The following NEDD9 variants were observed in gnomAD, a reference collection of about 807,000 sequenced individuals.
The protein encoded by NEDD9 is enhancer of filamentation 1.
A neutral mutation model predicts 76.6 loss-of-function variants in NEDD9; 26 were observed. That is an observed-to-expected ratio of 0.34 (90% CI 0.25 to 0.47). The LOEUF (loss-of-function observed/expected upper bound fraction) is 0.47. Ranked by LOEUF, NEDD9 falls within the 20% of genes least tolerant of loss-of-function variation. The pLI is 1.00. For synonymous variants in NEDD9, 392 were observed against 414.2 expected (o/e 0.95, Z 0.65); for missense variants, 937 against 1,058.5 (o/e 0.89, Z 1.59).
chr6:11,346,820 A>G (rs189577058), intron 1 of NEDD9, among the ~76,000 whole-genome samples: 26 of 152,036 alleles, frequency 1.7e-4, no homozygotes, highest in Admixed American at 4.6e-4. Context: ...TGTGGAGAGG[A>G]TGTGCAAACC....
At chr6:11,366,423 A>AAAG (rs1762771604) in intron 1 of NEDD9, among the ~76,000 whole-genome samples, 1 of 152,026 alleles carries the variant, frequency 6.6e-6, no homozygotes. Context: ...AAAAAAGAAA[A>AAAG]AGAAAGGAAG....
chr6:11,311,421 G>T (rs1196219821), intron 2 of NEDD9, among the ~76,000 whole-genome samples: 1 of 152,110 alleles, frequency 6.6e-6, no homozygotes, highest in African/African-American at 2.4e-5. Context: ...CGACCCGTTG[G>T]TCTCTCCCAG....
intron 3 of NEDD9, among the ~76,000 whole-genome samples, chr6:11,295,735 C>G (rs1760873939): frequency 6.6e-6 from 1 of 152,210 alleles, no homozygotes; most frequent in Admixed American, 6.5e-5. Flanking sequence ...GCTTCCTCCT[C>G]TGCCTAATCC....
chr6:11,359,406 A>G (rs1049485643), intron 1 of NEDD9, among the ~76,000 whole-genome samples: 3 of 152,344 alleles, frequency 2.0e-5, no homozygotes, highest in East Asian at 1.9e-4. Flanking sequence ...CCTCTGCCCA[A>G]TGTCCTGGGA....
At chr6:11,248,923 A>G in intron 3 of NEDD9, 1 of 352,358 alleles carries the variant, frequency 2.8e-6, no homozygotes, top group South Asian at 2.2e-5. Context: ...CCATCTGATC[A>G]TTGAATAGTG....
intron 3 of NEDD9, among the ~76,000 whole-genome samples, chr6:11,291,271 T>C (rs1303228208): frequency 2.9e-5 from 4 of 137,560 alleles, no homozygotes. Flanking sequence ...AATGAGGTTT[T>C]TTTTTTTTTT....
At chr6:11,314,760 G>T (rs1761495295) in intron 2 of NEDD9, among the ~76,000 whole-genome samples, 1 of 152,148 alleles carries the variant, frequency 6.6e-6, no homozygotes, top group Non-Finnish European at 1.5e-5. Context: ...GAAGAACTGT[G>T]GCCTGCAAGT....
At chr6:11,276,288 T>C (rs1027752654) in intron 3 of NEDD9, among the ~76,000 whole-genome samples, 1 of 152,252 alleles carries the variant, frequency 6.6e-6, no homozygotes, top group Non-Finnish European at 1.5e-5. Context: ...ATTTAGCTAC[T>C]ACTTAATTGG....
At chr6:11,380,249 G>C (rs1202772724) in intron 1 of NEDD9, among the ~76,000 whole-genome samples, 1 of 152,170 alleles carries the variant, frequency 6.6e-6, no homozygotes, top group Non-Finnish European at 1.5e-5. Context: ...GTCTTAGCTT[G>C]GGTTCCCCCA....
chr6:11,225,786 C>T (rs1759291222), intron 1 of NEDD9, among the ~76,000 whole-genome samples: 1 of 149,078 alleles, frequency 6.7e-6, no homozygotes, highest in South Asian at 2.2e-4. Flanking sequence ...CAGGTGTGAG[C>T]CACCGCGCCC....
At chr6:11,367,151 C>A (rs1439547479) in intron 1 of NEDD9, among the ~76,000 whole-genome samples, 1 of 152,180 alleles carries the variant, frequency 6.6e-6, no homozygotes, top group African/African-American at 2.4e-5. Flanking sequence ...ATTAGGCTTT[C>A]TTCATTAATC....
chr6:11,330,141 G>A (rs1055835566), intron 2 of NEDD9, among the ~76,000 whole-genome samples: 3 of 152,102 alleles, frequency 2.0e-5, no homozygotes, highest in African/African-American at 7.2e-5. Flanking sequence ...CATGCAACTG[G>A]TAGCTACTCT....
chr6:11,274,116 G>A (rs1046878334), intron 3 of NEDD9, among the ~76,000 whole-genome samples: 4 of 152,156 alleles, frequency 2.6e-5, no homozygotes, highest in South Asian at 2.1e-4. Context: ...AGAACCAGAT[G>A]AGAATTGGAG....
At chr6:11,273,199 T>A (rs1302585122) in intron 3 of NEDD9, among the ~76,000 whole-genome samples, 1 of 152,122 alleles carries the variant, frequency 6.6e-6, no homozygotes, top group Non-Finnish European at 1.5e-5. Context: ...TTGAAAGGAG[T>A]GTCCAAGATT....
chr6:11,188,253 T>C lies in NEDD9; in HGVS notation c.1960A>G (p.Met654Val), dbSNP rs1758026841. 1.9e-6 allele frequency: 3 copies of C among 1,614,210 alleles called. No homozygotes were observed. The highest frequency in any genetic ancestry group is 2.5e-6 in the Non-Finnish European group (3 of 1,180,014). ...TCCAGCTGCATCTTGTTCTGTTTCA[T>C]GATATTCTCTTTTTCCAATAGCTCT... ...QKELLEKENIMKQNKMQLEHH... is the reference protein window; with the variant it reads ...QKELLEKENIVKQNKMQLEHH... Residue 654 changes from methionine (M) to valine (V), a missense_variant, in exon 6 of 7, where the codon ATG (methionine) becomes GTG (valine). By Grantham distance (21) the Met-to-Val change is conservative. Coordinates refer to ENST00000379446, the MANE Select transcript of NEDD9 (RefSeq NM_006403.4).
At position 11,190,951 on chromosome 6, in the gene NEDD9, G is replaced by A. The variant is rs1758125713; in HGVS notation, c.918C>T (p.Leu306=). The change falls in exon 5 of 7, where the codon CTC becomes CTT. Residue 306 remains leucine, a synonymous_variant. Transcript: ENST00000379446. This position sits in a 1 kb window ranked among gnomAD's most constrained non-coding sequence, Gnocchi z 5.8. ...SLSPNHPPPQ[L]GQSVGSQNDA... is the part of the protein sequence containing the mutation. ...CGTTCTGAGAGCCCACTGACTGTCCGAGTTGCGGGGGTGGGTGATTCGGGG... is the reference window on the plus strand; with the variant it reads ...CGTTCTGAGAGCCCACTGACTGTCCAAGTTGCGGGGGTGGGTGATTCGGGG... 9 of 1,613,926 alleles carry A rather than the reference G, an allele frequency of 5.6e-6. No individual in the cohort carries two copies. Among genetic ancestry groups the A allele is most frequent in the South Asian group, 1.1e-5 (1 of 91,082 alleles).
chr6:11,338,597 T>C (rs1762211051), intron 1 of NEDD9, among the ~76,000 whole-genome samples: 1 of 152,008 alleles, frequency 6.6e-6, no homozygotes, highest in Admixed American at 6.6e-5. Context: ...CCTTTGCAAA[T>C]GGGAAAGGAA....
At chr6:11,193,526 A>G in intron 3 of NEDD9, 65 bp downstream of exon 3, 6 of 1,269,362 alleles carry the variant, frequency 4.7e-6, no homozygotes, top group Non-Finnish European at 6.8e-6. Context: ...CCTTTTCTCT[A>G]CAGCCCTGAA....
intron 1 of NEDD9, among the ~76,000 whole-genome samples, chr6:11,219,733 G>A (rs1010685386): frequency 6.6e-6 from 1 of 152,230 alleles, no homozygotes; most frequent in Non-Finnish European, 1.5e-5. Flanking sequence ...GACGAAAACC[G>A]GCTTTGGTCT....
Sources: gnomAD v4.1 joint callset for allele counts (sites outside exome capture counted in the v4.1 genomes callset) on GRCh38, gnomAD v4.1.1 for gene constraint, Gnocchi (gnomAD v3.1) non-coding constraint, MANE v1.5 for transcripts, NCBI Gene and HGNC (gene_info 2026-07-23, HGNC 2026-07-21) for gene names.